Variants in FMNL2 observed in about 807,000 individuals in gnomAD.
FMNL2 encodes the protein formin like 2.
FMNL2 carries 51 observed loss-of-function variants against 130.2 expected under a neutral mutation model. The ratio of observed to expected loss-of-function variants is 0.39; its 90% CI spans 0.31 to 0.49. The LOEUF (loss-of-function observed/expected upper bound fraction) is 0.49. FMNL2 is among the 20% of genes least tolerant of loss of function. The pLI, the probability that FMNL2 is intolerant of heterozygous loss-of-function variation, is 0.85. For missense variants in FMNL2, 977 were observed against 1,316.2 expected (o/e 0.74, Z 3.99); for synonymous variants, 465 against 467.1 (o/e 1.00, Z 0.06).
intron 1 of FMNL2, among the ~76,000 whole-genome samples, chr2:152,372,643 G>A (rs1683950852): frequency 6.6e-6 from 1 of 152,122 alleles, no homozygotes; most frequent in South Asian, 2.1e-4. Flanking sequence ...ACCTTGGCAG[G>A]GTCTGTATGG....
At chr2:152,614,762 C>CAAAACAAAACAAAACAAAACAAAA in intron 11 of FMNL2, 89 bp from the exon 12 acceptor site, 1 of 1,419,292 alleles carries the variant, frequency 7.0e-7, no homozygotes, top group African/African-American at 1.5e-5. Context: ...CAAAACAAAA[C>CAAAACAAAACAAAACAAAACAAAA]AAAAAACAAA....
At chr2:152,562,436 T>C (rs904047362) in intron 6 of FMNL2, among the ~76,000 whole-genome samples, 2 of 152,244 alleles carry the variant, frequency 1.3e-5, no homozygotes, top group Admixed American at 1.3e-4. Flanking sequence ...GATTTGGTTG[T>C]CTAATTACCT....
At chr2:152,440,495 A>G (rs1442638580) in intron 1 of FMNL2, among the ~76,000 whole-genome samples, 5 of 152,246 alleles carry the variant, frequency 3.3e-5, no homozygotes, top group Non-Finnish European at 7.3e-5. Flanking sequence ...GTTTAGGGTC[A>G]GGAATTCTTC....
chr2:152,360,786 G>A (rs976557065), intron 1 of FMNL2, among the ~76,000 whole-genome samples: 10 of 152,010 alleles, frequency 6.6e-5, no homozygotes, highest in African/African-American at 2.4e-4. Context: ...CTTATTTTAG[G>A]TGGAAAAGAT....
chr2:152,495,194 A>G (rs1032258357), intron 1 of FMNL2, among the ~76,000 whole-genome samples: 1 of 152,190 alleles, frequency 6.6e-6, no homozygotes, highest in African/African-American at 2.4e-5. Flanking sequence ...GAAATATACT[A>G]ACAGGAATAA....
At chr2:152,376,551 T>C (rs1267376681) in intron 1 of FMNL2, among the ~76,000 whole-genome samples, 1 of 152,164 alleles carries the variant, frequency 6.6e-6, no homozygotes, top group East Asian at 1.9e-4. Context: ...GTCTCAGGAA[T>C]GTGAGAGTTG....
At chr2:152,400,824 T>A (rs1379120930) in intron 1 of FMNL2, among the ~76,000 whole-genome samples, 2 of 152,246 alleles carry the variant, frequency 1.3e-5, no homozygotes, top group Non-Finnish European at 2.9e-5. Flanking sequence ...GACTGCTGAA[T>A]ATGCCCTGGG....
At position 152,404,917 on chromosome 2, in the gene FMNL2, G is replaced by C. The variant is rs188854878; in HGVS notation, c.117+69197G>C. On this transcript the variant is annotated intron_variant, in intron 1 of 25. Coordinates refer to ENST00000288670, the MANE Select transcript of FMNL2 (RefSeq NM_052905.4). ...GTTGATTTTTGTCTTAAGATAAGCA[G>C]AGCCTCCCTACAACAGGCCCTGAGT... is the stretch of plus-strand genomic sequence containing the variant. Among the ~76,000 whole-genome samples the C allele has an allele frequency of 3.3e-3, 497 of 152,260 alleles. 1 individual carries two copies. The highest frequency in any genetic ancestry group is 0.011 in the African/African-American group (460 of 41,552).
At position 152,337,391 on chromosome 2, in the gene FMNL2, CTGTGTG is replaced by C. The variant is rs10524595; in HGVS notation, c.117+1699_117+1704del. 3.6e-4 allele frequency among the ~76,000 whole-genome samples: 51 copies of C among 143,536 alleles called. 1 individual carries two copies. The East Asian group carries it at 4.2e-3, about 12-fold the overall frequency. 94.2% of individuals were successfully genotyped at this position (143,536 alleles called of 152,430 possible). ...GTTTTTCCATCCATGCTGTGGTGCT[CTGTGTG>C]TGTGTGTGTGTGTGTGTGTGTGTGT... On this transcript the variant is annotated intron_variant, in intron 1 of 25. Transcript: ENST00000288670.
At chr2:152,502,478 G>T (rs893621439) in intron 1 of FMNL2, among the ~76,000 whole-genome samples, 4 of 152,204 alleles carry the variant, frequency 2.6e-5, no homozygotes, top group Non-Finnish European at 5.9e-5. Context: ...CCTGAGGTCA[G>T]GAGTCTGAGA....
chr2:152,376,822 G>T (rs1684201406), intron 1 of FMNL2, among the ~76,000 whole-genome samples: 1 of 152,154 alleles, frequency 6.6e-6, no homozygotes, highest in Admixed American at 6.5e-5. Flanking sequence ...GGGAATTAAG[G>T]GTTATCTTGT....
intron 9 of FMNL2, among the ~76,000 whole-genome samples, chr2:152,582,640 G>A (rs1443491210): frequency 6.6e-6 from 1 of 152,046 alleles, no homozygotes; most frequent in Non-Finnish European, 1.5e-5. Flanking sequence ...ACGAATGCTT[G>A]TCTGTGAATG....
chr2:152,609,784 AT>A (rs1171426662), intron 10 of FMNL2, among the ~76,000 whole-genome samples: 1 of 152,176 alleles, frequency 6.6e-6, no homozygotes, highest in Non-Finnish European at 1.5e-5. Context: ...GATAAAGGAA[AT>A]TAGGTTTGGA....
intron 1 of FMNL2, among the ~76,000 whole-genome samples, chr2:152,382,473 A>T (rs1330221371): frequency 6.6e-6 from 1 of 152,202 alleles, no homozygotes; most frequent in East Asian, 1.9e-4. Context: ...TGGTGAGAAA[A>T]GCAGATCTCA....
chr2:152,515,097 G>A (rs1178305912), intron 1 of FMNL2, among the ~76,000 whole-genome samples: 1 of 152,064 alleles, frequency 6.6e-6, no homozygotes, highest in Non-Finnish European at 1.5e-5. Context: ...CATCTCCAAA[G>A]CCCACACATT....
chr2:152,418,976 CTT>C lies in FMNL2; in HGVS notation c.117+83270_117+83271del, dbSNP rs34491065. ...GCTTGCAAAGGATATGTGTCTTTTC[CTT>C]TTTTTTTTTTTTTAATAATAGTCAT... On this transcript the variant is annotated intron_variant, in intron 1 of 25. Transcript: ENST00000288670. 3.6e-3 allele frequency among the ~76,000 whole-genome samples: 513 copies of C among 142,060 alleles called. 1 individual carries two copies. The highest frequency in any genetic ancestry group is 5.7e-3 in the African/African-American group (221 of 38,446). The allele number at this position is 142,060 out of a possible 152,430, so 93.2% of individuals were successfully genotyped here.
chr2:152,387,682 G>A (rs540254902), intron 1 of FMNL2, among the ~76,000 whole-genome samples: 1 of 151,938 alleles, frequency 6.6e-6, no homozygotes, highest in African/African-American at 2.4e-5. Context: ...TGGAGTTGGG[G>A]TCTCTCTGTC....
chr2:152,350,408 G>C (rs1682412947), intron 1 of FMNL2, among the ~76,000 whole-genome samples: 1 of 152,180 alleles, frequency 6.6e-6, no homozygotes, highest in Non-Finnish European at 1.5e-5. Flanking sequence ...AGGTGGTTTT[G>C]TGTAGTCAGA....
intron 1 of FMNL2, among the ~76,000 whole-genome samples, chr2:152,428,982 A>G (rs1558856054): frequency 6.6e-6 from 1 of 152,098 alleles, no homozygotes; most frequent in Non-Finnish European, 1.5e-5. Context: ...ACATGGGAGC[A>G]TGGTGGGGAG....
Sources: allele counts gnomAD v4.1 joint callset (sites outside exome capture counted in the v4.1 genomes callset), GRCh38; gene constraint gnomAD v4.1.1; transcripts MANE v1.5; gene names NCBI Gene and HGNC (gene_info 2026-07-23, HGNC 2026-07-21).